Variants in TMX3 observed in about 807,000 individuals in gnomAD.
TMX3 encodes the protein protein disulfide-isomerase TMX3.
TMX3 carries 40 observed loss-of-function variants against 64.4 expected under a neutral mutation model. That is an observed-to-expected ratio of 0.62 (90% CI 0.48 to 0.81). TMX3 has a LOEUF of 0.81. Among genes scored for constraint, TMX3 ranks in the 30% least tolerant of loss-of-function variants. The pLI is 0.00. For missense variants in TMX3, 497 were observed against 534.5 expected (o/e 0.93, Z 0.69); for synonymous variants, 189 against 175.7 (o/e 1.08, Z -0.60).
Position 68,677,235 on chromosome 18 carries a change from T to G in TMX3, c.1105-42A>C, listed in dbSNP as rs1199415728. 5.7e-6 allele frequency: 9 copies of G among 1,582,170 alleles called. 1 individual carries two copies. In the South Asian group the frequency reaches 1.0e-4, roughly 18 times the overall value. On this transcript the variant is annotated intron_variant, in intron 15 of 15. Transcript: ENST00000299608. ...AAAACTCAGTTCCCTTCACATGTAA[T>G]TCTGATATATATAGCATGAAATGAA...
chr18:68,710,267 C>A (rs920842550), intron 3 of TMX3, 123 bp from the exon 4 acceptor site: 1 of 933,094 alleles, frequency 1.1e-6, no homozygotes, highest in Non-Finnish European at 1.5e-6. Flanking sequence ...ATGTTTTAGA[C>A]AAGAAGTTTA....
intron 9 of TMX3, 52 bp downstream of exon 9, chr18:68,691,243 C>T: frequency 2.3e-6 from 3 of 1,287,068 alleles, no homozygotes; most frequent in Non-Finnish European, 3.3e-6. Context: ...AGTTGTATAA[C>T]AGACATTTTA....
chr18:68,690,739 G>A (rs1599310871), intron 9 of TMX3, among the ~76,000 whole-genome samples: 1 of 152,316 alleles, frequency 6.6e-6, no homozygotes, highest in African/African-American at 2.4e-5. Context: ...CTTCGTAAGT[G>A]TTTAACTTCG....
At chr18:68,699,001 G>T (rs1274290770) in intron 6 of TMX3, among the ~76,000 whole-genome samples, 3 of 148,170 alleles carry the variant, frequency 2.0e-5, no homozygotes, top group Non-Finnish European at 4.4e-5. Context: ...CAGCCTGGGC[G>T]AAAGAGCGAG....
chr18:68,709,648 A>G (rs1359277379), intron 4 of TMX3, among the ~76,000 whole-genome samples: 2 of 152,030 alleles, frequency 1.3e-5, no homozygotes, highest in Non-Finnish European at 2.9e-5. Flanking sequence ...CCCTAACTCA[A>G]TTCGTCCTTT....
rs907692036 is a variant in TMX3 at position 68,687,191 on chromosome 18, C to T, written c.736+476G>A. 38 of 985,372 alleles carry T rather than the reference C, an allele frequency of 3.9e-5. No individual in the cohort carries two copies. The East Asian group carries it at 4.5e-4, about 12-fold the overall frequency. The allele number at this position is 985,372 out of a possible 1,614,324, so 61.0% of individuals were successfully genotyped here. ...TAGTTTGCATCTGAGACCATATAAT[C>T]GGCTTCTTACAGCTTTCATTTTTGT... On this transcript the variant is annotated intron_variant, in intron 10 of 15. Coordinates refer to ENST00000299608, the MANE Select transcript of TMX3 (RefSeq NM_019022.5).
At chr18:68,686,135 C>T (rs79847044) in intron 10 of TMX3, among the ~76,000 whole-genome samples, 4,150 of 152,164 alleles carry the variant, frequency 0.027, 182 homozygotes, top group African/African-American at 0.088. Flanking sequence ...AGCCGCACAG[C>T]GTCAGGAGGC....
At chr18:68,680,420 T>C (rs1212808735) in intron 14 of TMX3, among the ~76,000 whole-genome samples, 2 of 152,114 alleles carry the variant, frequency 1.3e-5, no homozygotes, top group Non-Finnish European at 2.9e-5. Flanking sequence ...TTAAAATTTA[T>C]AGGAAAAAAA....
chr18:68,687,455 T>C, intron 10 of TMX3: 1 of 985,406 alleles, frequency 1.0e-6, no homozygotes, highest in African/African-American at 1.7e-5. Context: ...TCAGTTCTAT[T>C]AGTAAACCAT....
At chr18:68,690,246 T>A (rs1438326809) in intron 9 of TMX3, among the ~76,000 whole-genome samples, 1 of 152,192 alleles carries the variant, frequency 6.6e-6, no homozygotes, top group African/African-American at 2.4e-5. Flanking sequence ...GGGTGTTCCC[T>A]ATCTGGCCTC....
intron 15 of TMX3, among the ~76,000 whole-genome samples, chr18:68,677,404 AGAACCAG>A (rs1362230953): frequency 1.3e-5 from 2 of 152,178 alleles, no homozygotes; most frequent in Non-Finnish European, 2.9e-5. Context: ...ATGTGTGTGC[AGAACCAG>A]CTATTAGCAA....
At chr18:68,683,895 T>C (rs1470495750) in intron 12 of TMX3, among the ~76,000 whole-genome samples, 1 of 152,194 alleles carries the variant, frequency 6.6e-6, no homozygotes, top group Non-Finnish European at 1.5e-5. Context: ...TTCTATTTTA[T>C]TATTAATTAC....
intron 13 of TMX3, among the ~76,000 whole-genome samples, 187 bp downstream of exon 13, chr18:68,682,738 T>C (rs548279180): frequency 1.5e-4 from 23 of 151,992 alleles, no homozygotes; most frequent in African/African-American, 5.5e-4. Context: ...TAGACCAATA[T>C]TAAAGTCAGT....
chr18:68,713,954 C>T (rs2031602409), intron 1 of TMX3, 54 bp from the exon 2 acceptor site: 2 of 1,293,928 alleles, frequency 1.5e-6, no homozygotes, highest in South Asian at 1.4e-5. Flanking sequence ...TGGCTCATAC[C>T]GTATAAGCTT....
rs998201023 is a variant in TMX3, at chr18:68,687,699, T to C, written c.704A>G (p.Asp235Gly). Residue 235 changes from aspartate (D) to glycine (G), a missense_variant, in exon 10 of 16, where the codon GAT (aspartate) becomes GGT (glycine). By Grantham distance (94) the Asp-to-Gly change is moderately conservative. Transcript: ENST00000299608. Reference protein sequence around the residue: ...RERFQNYLAMDGFLLYELGDT... With the variant: ...RERFQNYLAMGGFLLYELGDT... ...TCCAAGTTCATACAAGAGGAAGCCA[T>C]CCATAGCAAGGTAATTCTGAAACCT... is the stretch of plus-strand genomic sequence containing the variant. The C allele has an allele frequency of 1.2e-6, 2 of 1,612,632 alleles. No homozygotes were observed. Among genetic ancestry groups the C allele is most frequent in the Non-Finnish European group, 1.7e-6 (2 of 1,179,312 alleles).
intron 4 of TMX3, among the ~76,000 whole-genome samples, chr18:68,703,823 G>A (rs192624736): frequency 1.5e-4 from 23 of 152,138 alleles, no homozygotes; most frequent in African/African-American, 3.4e-4. Context: ...CCAGCTACTC[G>A]GGAGGCTGAG....
At chr18:68,684,551 T>C in intron 10 of TMX3, 66 bp from the exon 11 acceptor site, 1 of 1,370,876 alleles carries the variant, frequency 7.3e-7, no homozygotes, top group Admixed American at 1.8e-5. Context: ...AATTATCACT[T>C]TAGTTCTGAG....
chr18:68,681,776 T>C lies in TMX3; in HGVS notation c.906-666A>G, dbSNP rs371986871. Among the ~76,000 whole-genome samples the C allele has an allele frequency of 1.5e-4, 23 of 152,328 alleles. 2 individuals are homozygous for C. The South Asian group carries it at 4.8e-3, about 32-fold the overall frequency. On this transcript the variant is annotated intron_variant, in intron 13 of 15. Transcript: ENST00000299608. ...TAGAGAAAACCAAAGCACAGCATCATGTTGTTGAGCTTCCACTGGGCCCTC... is the reference window on the plus strand; with the variant it reads ...TAGAGAAAACCAAAGCACAGCATCACGTTGTTGAGCTTCCACTGGGCCCTC...
rs572990689 is a variant in TMX3 at position 68,678,965 on chromosome 18, T to C, written c.1104+498A>G. On this transcript the variant is annotated intron_variant, in intron 15 of 15. Transcript: ENST00000299608. ...GGGAAGAAGGAAAAACATCTGTAAA[T>C]GATCTTAATTATTTACCAACTAGGG... Among the ~76,000 whole-genome samples, 7 of 151,716 alleles carry C rather than the reference T, an allele frequency of 4.6e-5. No homozygotes were observed. The South Asian group carries it at 1.5e-3, about 32-fold the overall frequency.
Sources: allele counts gnomAD v4.1 joint callset (sites outside exome capture counted in the v4.1 genomes callset), GRCh38; gene constraint gnomAD v4.1.1; transcripts MANE v1.5; gene names NCBI Gene and HGNC (gene_info 2026-07-23, HGNC 2026-07-21).